The following TRIM2 variants were observed in gnomAD, a reference collection of about 807,000 sequenced individuals.
The protein encoded by TRIM2 is tripartite motif-containing protein 2.
Under a neutral mutation model 75.2 loss-of-function variants are expected in TRIM2, and 20 were observed. The observed-to-expected ratio is 0.27, with a 90% CI of 0.19 to 0.39. The LOEUF is 0.39. Among genes scored for constraint, TRIM2 ranks in the 10% least tolerant of loss-of-function variants. The pLI is 1.00. For missense variants in TRIM2, 660 were observed against 990.8 expected (o/e 0.67, Z 4.48); for synonymous variants, 373 against 388.3 (o/e 0.96, Z 0.46).
chr4:153,298,980 C>T (rs1763311634), intron 6 of TRIM2, among the ~76,000 whole-genome samples: 1 of 152,140 alleles, frequency 6.6e-6, no homozygotes, highest in African/African-American at 2.4e-5. Flanking sequence ...CTCAAACAAT[C>T]TCCCCATCTC....
At chr4:153,314,616 A>G (rs1385122392) in intron 6 of TRIM2, among the ~76,000 whole-genome samples, 4 of 151,616 alleles carry the variant, frequency 2.6e-5, no homozygotes, top group African/African-American at 9.7e-5. Context: ...AGAATCTAGT[A>G]TGGGTGGAAA....
At chr4:153,268,368 A>AT (rs1201982188) in intron 1 of TRIM2, among the ~76,000 whole-genome samples, 1 of 106,014 alleles carries the variant, frequency 9.4e-6, no homozygotes. Flanking sequence ...GCCATTATCA[A>AT]TTTTTTTCAG....
chr4:153,238,048 C>G, intron 1 of TRIM2, among the ~76,000 whole-genome samples: 1 of 152,132 alleles, frequency 6.6e-6, no homozygotes, highest in Non-Finnish European at 1.5e-5. Flanking sequence ...TTTCTTTCAT[C>G]TTTGAACCTG....
intron 1 of TRIM2, among the ~76,000 whole-genome samples, chr4:153,264,107 A>G (rs1754302018): frequency 6.6e-6 from 1 of 152,166 alleles, no homozygotes; most frequent in Non-Finnish European, 1.5e-5. Flanking sequence ...TTTTGAACAG[A>G]ATGGTCAGAT....
intron 1 of TRIM2, among the ~76,000 whole-genome samples, chr4:153,172,276 C>T (rs1351384212): frequency 2.0e-5 from 3 of 152,156 alleles, no homozygotes; most frequent in African/African-American, 7.2e-5. Context: ...CAAGCTCCAC[C>T]TCCTGGGTTC....
intron 1 of TRIM2, among the ~76,000 whole-genome samples, chr4:153,226,213 T>C (rs1230361137): frequency 6.6e-6 from 1 of 152,200 alleles, no homozygotes; most frequent in Non-Finnish European, 1.5e-5. Flanking sequence ...TGAACAGAAA[T>C]ATTCTCTCCC....
Position 153,237,459 on chromosome 4 carries a change from T to C in TRIM2, c.31-32876T>C, listed in dbSNP as rs1194872001. Reference sequence around the variant, plus strand: ...ACTTTGGGAGGCTGAGGTGGGCGGATCACGAGGTCAGGAGTTTGAGACCAG... The same window carrying C: ...ACTTTGGGAGGCTGAGGTGGGCGGACCACGAGGTCAGGAGTTTGAGACCAG... On this transcript the variant is annotated intron_variant, in intron 1 of 11. Transcript: ENST00000338700. Among the ~76,000 whole-genome samples the C allele has an allele frequency of 2.0e-5, 3 of 152,036 alleles. 1 individual carries two copies. The highest frequency in any genetic ancestry group is 4.4e-5 in the Non-Finnish European group (3 of 67,990).
At chr4:153,300,445 A>G (rs996069876) in intron 6 of TRIM2, among the ~76,000 whole-genome samples, 11 of 152,000 alleles carry the variant, frequency 7.2e-5, no homozygotes, top group Admixed American at 4.6e-4. Context: ...ATACCTGACT[A>G]ATTTTTTCTT....
At chr4:153,159,408 C>T (rs571251649) in intron 1 of TRIM2, among the ~76,000 whole-genome samples, 2 of 143,392 alleles carry the variant, frequency 1.4e-5, no homozygotes, top group Non-Finnish European at 3.0e-5. Flanking sequence ...TCAAGTGATC[C>T]TCTCGTGTCA....
chr4:153,231,613 C>A (rs1743638425), intron 1 of TRIM2, among the ~76,000 whole-genome samples: 1 of 152,156 alleles, frequency 6.6e-6, no homozygotes, highest in Non-Finnish European at 1.5e-5. Context: ...CAAAGAGGAT[C>A]TTCAGTGCCT....
intron 1 of TRIM2, among the ~76,000 whole-genome samples, chr4:153,240,561 T>C (rs888273724): frequency 6.6e-6 from 1 of 152,214 alleles, no homozygotes; most frequent in Non-Finnish European, 1.5e-5. Context: ...GCTTCTATTA[T>C]CAGTAGAAGG....
chr4:153,236,190 C>A (rs555027026), intron 1 of TRIM2, among the ~76,000 whole-genome samples: 1 of 152,168 alleles, frequency 6.6e-6, no homozygotes, highest in East Asian at 1.9e-4. Context: ...AACTGTGAGT[C>A]AATTAAACCT....
intron 6 of TRIM2, among the ~76,000 whole-genome samples, chr4:153,305,791 C>T (rs1764846888): frequency 6.6e-6 from 1 of 152,176 alleles, no homozygotes; most frequent in Admixed American, 6.5e-5. Context: ...TCAACACTAC[C>T]ACTTTGGGAA....
chr4:153,338,969 T>C lies in TRIM2; in HGVS notation c.*4003T>C. On this transcript the variant is annotated 3_prime_UTR_variant, in exon 12 of 12. Transcript: ENST00000338700. ...TATGAAGGGGTTTTTTTTTTTTGCTTTGTTTTCTTTTTAGATTTTGTACAT... is the reference window on the plus strand; with the variant it reads ...TATGAAGGGGTTTTTTTTTTTTGCTCTGTTTTCTTTTTAGATTTTGTACAT... 1.0e-6 allele frequency: 1 copy of C among 984,898 alleles called. No individual in the cohort carries two copies. 61.0% of individuals were successfully genotyped at this position (984,898 alleles called of 1,614,324 possible).
At chr4:153,187,949 A>G (rs776331591) in intron 1 of TRIM2, among the ~76,000 whole-genome samples, 9 of 152,144 alleles carry the variant, frequency 5.9e-5, no homozygotes, top group South Asian at 2.1e-4. Flanking sequence ...GACTATGACT[A>G]TTTTTTCCTA....
chr4:153,236,237 C>A (rs1475068107), intron 1 of TRIM2, among the ~76,000 whole-genome samples: 2 of 152,002 alleles, frequency 1.3e-5, no homozygotes, highest in Non-Finnish European at 2.9e-5. Flanking sequence ...TCGGGTATTT[C>A]TTCATAGCAG....
At chr4:153,311,869 T>G (rs1476355831) in intron 6 of TRIM2, among the ~76,000 whole-genome samples, 1 of 149,674 alleles carries the variant, frequency 6.7e-6, no homozygotes. Context: ...CTATAAAATG[T>G]TTTTGATAAA....
chr4:153,314,775 T>C (rs983530021), intron 6 of TRIM2, among the ~76,000 whole-genome samples: 1 of 152,112 alleles, frequency 6.6e-6, no homozygotes, highest in Non-Finnish European at 1.5e-5. Flanking sequence ...ATCCATAATA[T>C]GAAAATCGCC....
chr4:153,232,187 G>T (rs1743825374), intron 1 of TRIM2, among the ~76,000 whole-genome samples: 1 of 152,104 alleles, frequency 6.6e-6, no homozygotes, highest in Non-Finnish European at 1.5e-5. Context: ...GGAGGGAGGG[G>T]GACACAATTC....
Sources: allele counts gnomAD v4.1 joint callset (sites outside exome capture counted in the v4.1 genomes callset), GRCh38; gene constraint gnomAD v4.1.1; transcripts MANE v1.5; gene names NCBI Gene and HGNC (gene_info 2026-07-23, HGNC 2026-07-21).